MCF2L: variants seen among roughly 807,000 people sequenced by gnomAD.
MCF2L encodes the protein MCF.2 cell line derived transforming sequence like, also known as guanine nucleotide exchange factor DBS.
MCF2L carries 97 observed loss-of-function variants against 153.4 expected under a neutral mutation model. The ratio of observed to expected loss-of-function variants is 0.63; its 90% CI spans 0.54 to 0.75. The LOEUF (loss-of-function observed/expected upper bound fraction) is 0.75. Among genes scored for constraint, MCF2L ranks in the 30% least tolerant of loss-of-function variants. The probability of loss-of-function intolerance (pLI) is 0.00; values close to 1 mark genes in which losing one functional copy is unlikely to be tolerated. For synonymous variants in MCF2L, 659 were observed against 632.2 expected, an observed-to-expected ratio of 1.04 and a Z score of -0.64; for missense variants, 1,347 against 1,495.2, an observed-to-expected ratio of 0.90 and a Z score of 1.64.
intron 26 of MCF2L, among the ~76,000 whole-genome samples, chr13:113,092,174 G>A (rs1025153304): frequency 8.5e-5 from 13 of 152,236 alleles, no homozygotes; most frequent in South Asian, 2.1e-4. Context: ...CGGCAGAGCC[G>A]GTCCCTGGTG....
chr13:112,918,334 G>T (rs2081316581), intron 2 of MCF2L, among the ~76,000 whole-genome samples: 1 of 152,200 alleles, frequency 6.6e-6, no homozygotes, highest in African/African-American at 2.4e-5. Context: ...GTCATTTTGG[G>T]AAGCCAGCTT....
At chr13:112,921,479 T>C (rs1328648992) in intron 2 of MCF2L, among the ~76,000 whole-genome samples, 2 of 152,202 alleles carry the variant, frequency 1.3e-5, no homozygotes, top group African/African-American at 4.8e-5. Context: ...TGGAAAACAA[T>C]CAGGAACCAA....
rs370073486 is a variant in MCF2L at position 113,014,744 on chromosome 13, G to A, written c.80-19G>A. On this transcript the variant is annotated intron_variant, in intron 1 of 29. Coordinates refer to ENST00000535094, the MANE Select transcript of MCF2L (RefSeq NM_001112732.3). ...CAGCTTCCTGGGACTGACACGTGCC[G>A]TCTGCTCTTTCCGTGCAGATGAAAT... 4.5e-4 allele frequency: 725 copies of A among 1,608,502 alleles called. 9 individuals carry two copies. The South Asian group carries it at 7.2e-3, about 16-fold the overall frequency.
chr13:113,012,648 T>C (rs1433912419), intron 1 of MCF2L, among the ~76,000 whole-genome samples: 1 of 85,504 alleles, frequency 1.2e-5, no homozygotes, highest in Non-Finnish European at 2.5e-5. Context: ...GTGGACACTG[T>C]GATGCGGACG....
intron 7 of MCF2L, 155 bp downstream of exon 7, chr13:113,065,240 CT>C: frequency 2.5e-6 from 2 of 791,498 alleles, no homozygotes; most frequent in Non-Finnish European, 4.1e-6. Flanking sequence ...CTTGAGATGC[CT>C]TTTGATGGCA....
At chr13:112,944,077 CTGAGGGAAGGGTTCCGGACCA>C (rs929311488) in intron 2 of MCF2L, among the ~76,000 whole-genome samples, 1 of 115,406 alleles carries the variant, frequency 8.7e-6, no homozygotes, top group Non-Finnish European at 1.8e-5. Context: ...AGCGTCTTGG[CTGAGGGAAGGGTTCCGGACCA>C]TGAGGGAAGG....
chr13:112,969,917 TTAAA>T lies in MCF2L; in HGVS notation c.79+461_79+464del, dbSNP rs1167892258. On this transcript the variant is annotated intron_variant, in intron 1 of 29. Coordinates refer to ENST00000535094, the MANE Select transcript of MCF2L (RefSeq NM_001112732.3). The surrounding 1 kb of genome is among the most constrained non-coding windows in gnomAD (Gnocchi z 4.8). ...ACTAATCAGGTGGTTCTTTTCTTCATTAAATGCAATTTAAACCTAAGACAGATGT... is the reference window on the plus strand; with the variant it reads ...ACTAATCAGGTGGTTCTTTTCTTCATTGCAATTTAAACCTAAGACAGATGT... Among the ~76,000 whole-genome samples, 2 of 152,218 alleles carry T rather than the reference TTAAA, an allele frequency of 1.3e-5. No individual in the cohort carries two copies. Among genetic ancestry groups the T allele is most frequent in the Middle Eastern group, 3.2e-3 (1 of 316 alleles).
At chr13:112,962,265 A>G (rs36164841) in intron 2 of MCF2L, among the ~76,000 whole-genome samples, 98,659 of 151,338 alleles carry the variant, frequency 0.65, 32,435 homozygotes, top group Non-Finnish European at 0.7. Flanking sequence ...ATGCTCACAC[A>G]TGTAGGCACA....
In MCF2L at chr13:113,075,024, G is replaced by A; in HGVS notation, c.1143G>A (p.Leu381=). 1.2e-6 allele frequency: 2 copies of A among 1,608,990 alleles called. No homozygotes were observed. The highest frequency in any genetic ancestry group is 1.3e-5 in the African/African-American group (1 of 74,966). ...SGVAVERARA[L]SLDGEQLIGN... ...TGGCCGTGGAGAGGGCCCGGGCCCT[G>A]TCTCTGGACGGCGAGCAGCTCATTG... The change falls in exon 11 of 30, where the codon CTG becomes CTA. Residue 381 remains leucine (L), a synonymous_variant. Coordinates refer to ENST00000535094, the MANE Select transcript of MCF2L (RefSeq NM_001112732.3).
intron 2 of MCF2L, chr13:112,917,427 A>G (rs1390527067): frequency 3.0e-6 from 1 of 336,876 alleles, no homozygotes; most frequent in African/African-American, 2.2e-5. Context: ...GAATCCAGCC[A>G]GGCTACCGCC....
chr13:112,978,947 G>C (rs193077879), intron 1 of MCF2L, among the ~76,000 whole-genome samples: 1 of 152,210 alleles, frequency 6.6e-6, no homozygotes. Flanking sequence ...ACGTCACCTC[G>C]GGGGCCATTG....
chr13:113,023,185 T>C (rs763467807), intron 2 of MCF2L, among the ~76,000 whole-genome samples: 3 of 152,178 alleles, frequency 2.0e-5, no homozygotes, highest in Non-Finnish European at 4.4e-5. Context: ...GCAGCCAGGA[T>C]GGGCTCAAGG....
chr13:113,084,659 C>G (rs1346907491), intron 18 of MCF2L: 2 of 575,570 alleles, frequency 3.5e-6, no homozygotes, highest in Non-Finnish European at 6.2e-6. Flanking sequence ...TCTGGGAAGT[C>G]AGGGGCTCTG....
At chr13:113,071,318 T>C (rs1371867761) in intron 9 of MCF2L, among the ~76,000 whole-genome samples, 1 of 152,264 alleles carries the variant, frequency 6.6e-6, no homozygotes, top group Non-Finnish European at 1.5e-5. Flanking sequence ...CTTTGCCACA[T>C]ATGTGGTTTG....
At chr13:113,001,808 C>T in intron 1 of MCF2L, 1 of 1,441,978 alleles carries the variant, frequency 6.9e-7, no homozygotes, top group Non-Finnish European at 9.1e-7. Context: ...TGTGGCGTCC[C>T]CGCTTCGCGG....
intron 18 of MCF2L, 63 bp from the exon 19 acceptor site, chr13:113,084,829 C>G: frequency 8.0e-7 from 1 of 1,253,230 alleles, no homozygotes. Flanking sequence ...GGTGCCCGTC[C>G]CTCACCGCGT....
At chr13:113,014,181 T>TG (rs1264728517) in intron 1 of MCF2L, among the ~76,000 whole-genome samples, 1 of 152,084 alleles carries the variant, frequency 6.6e-6, no homozygotes, top group Admixed American at 6.5e-5. Flanking sequence ...ACCTGCTGGG[T>TG]GGGGGGATGG....
At chr13:113,059,760 C>T (rs771003056) in intron 4 of MCF2L, among the ~76,000 whole-genome samples, 46 of 152,358 alleles carry the variant, frequency 3.0e-4, no homozygotes, top group Admixed American at 5.2e-4. Flanking sequence ...AGGGGAGTGA[C>T]CTACCCAAGT....
chr13:113,091,012 A>AACG (rs925909635), intron 26 of MCF2L: 1 of 1,268,584 alleles, frequency 7.9e-7, no homozygotes, highest in African/African-American at 1.6e-5. Context: ...AAGGGGCCAC[A>AACG]ACGTCGGTGT....
Sources: allele counts gnomAD v4.1 joint callset (sites outside exome capture counted in the v4.1 genomes callset), GRCh38; gene constraint gnomAD v4.1.1; non-coding constraint Gnocchi (gnomAD v3.1); transcripts MANE v1.5; gene names NCBI Gene and HGNC (gene_info 2026-07-23, HGNC 2026-07-21).